Variants in BRPF3 observed in about 807,000 individuals in gnomAD.
The protein encoded by BRPF3 is bromodomain and PHD finger-containing protein 3.
A neutral mutation model predicts 102.0 loss-of-function variants in BRPF3; 18 were observed. That is an observed-to-expected ratio of 0.18 (90% CI 0.12 to 0.26). BRPF3 has a LOEUF of 0.26. Ranked by LOEUF, BRPF3 falls within the 10% of genes least tolerant of loss-of-function variation. The pLI, the probability that BRPF3 is intolerant of heterozygous loss-of-function variation, is 1.00. For missense variants in BRPF3, 1,147 were observed against 1,567.8 expected, an observed-to-expected ratio of 0.73 and a Z score of 4.53; for synonymous variants, 570 against 614.2, an observed-to-expected ratio of 0.93 and a Z score of 1.06.
At chr6:36,222,395 TG>T (rs1159343723) in intron 10 of BRPF3, 130 bp downstream of exon 10, 11 of 746,094 alleles carry the variant, frequency 1.5e-5, no homozygotes, top group Non-Finnish European at 2.4e-5. Context: ...CTTGGGCCCT[TG>T]GGCAGGGAGA....
chr6:36,199,010 C>G (rs960848480), intron 1 of BRPF3, among the ~76,000 whole-genome samples: 1 of 152,196 alleles, frequency 6.6e-6, no homozygotes, highest in Non-Finnish European at 1.5e-5. Flanking sequence ...AGACAGGCCA[C>G]TATAACTTCA....
At chr6:36,215,401 C>T (rs569943902) in intron 8 of BRPF3, among the ~76,000 whole-genome samples, 16 of 152,180 alleles carry the variant, frequency 1.1e-4, no homozygotes, top group African/African-American at 1.9e-4. Flanking sequence ...TGAGCCACCG[C>T]GCCCCACCTA....
Position 36,203,270 on chromosome 6 carries a change from C to G in BRPF3, c.1449-1388C>G, listed in dbSNP as rs1767783157. Among the ~76,000 whole-genome samples, 6 of 152,184 alleles carry G rather than the reference C, an allele frequency of 3.9e-5. No individual in the cohort carries two copies. The South Asian group carries it at 1.0e-3, about 26-fold the overall frequency. On this transcript the variant is annotated intron_variant, in intron 2 of 12. Coordinates refer to ENST00000357641, the MANE Select transcript of BRPF3 (RefSeq NM_015695.3). ...GGCAAGTTGCTTAGCTGCTCTAAGCCTTAGTTTATTTGTAAATGAACCCAC... is the reference window on the plus strand; with the variant it reads ...GGCAAGTTGCTTAGCTGCTCTAAGCGTTAGTTTATTTGTAAATGAACCCAC...
chr6:36,225,276 T>C lies in BRPF3; in HGVS notation c.3191T>C (p.Leu1064Pro). The C allele has an allele frequency of 6.2e-7, 1 of 1,607,866 alleles. No homozygotes were observed. The highest frequency in any genetic ancestry group is 8.5e-7 in the Non-Finnish European group (1 of 1,179,736). The change falls in exon 11 of 13, where the codon CTC becomes CCC. Residue 1064 changes from leucine (L) to proline (P), a missense_variant. By Grantham distance (98) the Leu-to-Pro change is moderately conservative. Transcript: ENST00000357641. ...CCTCCCCCACCCCCAGGCAGAAGCC[T>C]CCTGCTGCCCTTTGAAGACCGCGGA... ...DSDYNGSGRS[L>P]LLPFEDRGDL... is the part of the protein sequence containing the mutation.
chr6:36,230,292 A>C lies in BRPF3; in HGVS notation c.3435-134A>C. The C allele has an allele frequency of 1.4e-6, 1 of 738,660 alleles. No individual in the cohort carries two copies. The highest frequency in any genetic ancestry group is 1.8e-5 in the South Asian group (1 of 54,452). The allele number at this position is 738,660 out of a possible 1,614,324, so 45.8% of individuals were successfully genotyped here. A position where few individuals can be genotyped will look rare whatever the true frequency, so the allele number is the denominator to read the frequency against. Reference sequence around the variant, plus strand: ...AGGTTCTTGGTGGCCTCCTGCATGGAGTCCCCCAATTTGCTTCCCTCTGCC... The same window carrying C: ...AGGTTCTTGGTGGCCTCCTGCATGGCGTCCCCCAATTTGCTTCCCTCTGCC... On this transcript the variant is annotated intron_variant, in intron 12 of 12. Transcript: ENST00000357641. This position sits in a 1 kb window ranked among gnomAD's most constrained non-coding sequence, Gnocchi z 5.4.
intron 2 of BRPF3, among the ~76,000 whole-genome samples, chr6:36,203,222 G>A (rs1400766665): frequency 6.6e-6 from 1 of 152,182 alleles, no homozygotes; most frequent in Non-Finnish European, 1.5e-5. Flanking sequence ...CCAATTCTGT[G>A]ACTTAGTACC....
rs1768975731 is a variant in BRPF3 at position 36,232,775 on chromosome 6, G to A, written c.*2166G>A. ...CTTATTTTCTCTCTGAGAAATAAAT[G>A]TTCTAATGGGCAGTAGTTGCTGTGT... On this transcript the variant is annotated 3_prime_UTR_variant, in exon 13 of 13. Transcript: ENST00000357641. 1 of 152,246 alleles carries A rather than the reference G, an allele frequency of 6.6e-6. No homozygotes were observed. Among genetic ancestry groups the A allele is most frequent in the East Asian group, 1.9e-4 (1 of 5,198 alleles). 9.4% of individuals were successfully genotyped at this position (152,246 alleles called of 1,614,324 possible). A position where few individuals can be genotyped will look rare whatever the true frequency, so the allele number is the denominator to read the frequency against.
intron 11 of BRPF3, among the ~76,000 whole-genome samples, chr6:36,225,653 A>G (rs943510000): frequency 6.6e-6 from 1 of 152,246 alleles, no homozygotes; most frequent in African/African-American, 2.4e-5. Context: ...GAATCTTTAA[A>G]GCTACTGATA....
chr6:36,218,483 C>T (rs1473002966), intron 9 of BRPF3, among the ~76,000 whole-genome samples: 5 of 135,738 alleles, frequency 3.7e-5, no homozygotes, highest in Middle Eastern at 4.6e-3. Flanking sequence ...TTTTTTGAGA[C>T]GGAGTCTTGC....
At chr6:36,218,163 T>A (rs370455941) in intron 9 of BRPF3, among the ~76,000 whole-genome samples, 153 bp downstream of exon 9, 5 of 151,706 alleles carry the variant, frequency 3.3e-5, no homozygotes, top group African/African-American at 1.2e-4. Context: ...ACTCTGGGAG[T>A]TCCTAGGAAA....
Position 36,201,316 on chromosome 6 carries a change from G to A in BRPF3, c.994G>A (p.Gly332Arg). 3 of 1,614,180 alleles carry A rather than the reference G, an allele frequency of 1.9e-6. No individual in the cohort carries two copies. Among genetic ancestry groups the A allele is most frequent in the Non-Finnish European group, 2.5e-6 (3 of 1,180,026 alleles). The change falls in exon 2 of 13, where the codon GGG (glycine) becomes AGG (arginine). Residue 332 changes from glycine (G) to arginine (R), a missense_variant. By Grantham distance (125) the Gly-to-Arg change is moderately radical (BLOSUM62 -2). This residue lies in a region of BRPF3 where 44 missense variants were observed against 101.4 expected (regional missense o/e 0.43). Coordinates refer to ENST00000357641, the MANE Select transcript of BRPF3 (RefSeq NM_015695.3). The surrounding 1 kb of genome is among the most constrained non-coding windows in gnomAD (Gnocchi z 5.1). ...AACCTGCTATATCTGCAAGCAGAAA[G>A]GGCTAGGTGCAGCCATCCAGTGCCA... ...KLTCYICKQK[G>R]LGAAIQCHKV...
At chr6:36,217,836 C>G in intron 8 of BRPF3, 81 bp from the exon 9 acceptor site, 1 of 1,223,892 alleles carries the variant, frequency 8.2e-7, no homozygotes, top group Non-Finnish European at 1.2e-6. Flanking sequence ...CTGAGCCCTC[C>G]TGAGGTGGCT....
rs1169340946 is a variant in BRPF3 at position 36,214,264 on chromosome 6, T to C, written c.2867T>C (p.Val956Ala). 9.9e-6 allele frequency: 16 copies of C among 1,613,668 alleles called. No individual in the cohort carries two copies. The highest frequency in any genetic ancestry group is 1.4e-5 in the Non-Finnish European group (16 of 1,180,000). Residue 956 changes from valine to alanine, a missense_variant, in exon 8 of 13, where the codon GTG becomes GCG. Around this residue, in one of 11 missense-constraint regions of BRPF3, gnomAD observed 379 missense variants for 426.3 expected, o/e 0.89. Coordinates refer to ENST00000357641, the MANE Select transcript of BRPF3 (RefSeq NM_015695.3). ...CTGGAGAATGGCGAGGACCATGGTG[T>C]GGCAGGCTCTCCTGCCTCTCCAGCC... is the stretch of plus-strand genomic sequence containing the variant. ...RVLENGEDHG[V>A]AGSPASPASI...
intron 1 of BRPF3, among the ~76,000 whole-genome samples, chr6:36,199,152 A>G (rs1044088986): frequency 2.0e-5 from 3 of 152,218 alleles, no homozygotes; most frequent in African/African-American, 7.2e-5. Flanking sequence ...ACCAGGCCAT[A>G]CAGCAAGAGG....
chr6:36,218,719 A>G (rs376487095), intron 9 of BRPF3, among the ~76,000 whole-genome samples: 4 of 152,166 alleles, frequency 2.6e-5, no homozygotes, highest in East Asian at 3.9e-4. Context: ...GCAGCATCCC[A>G]AAGTGCTGGA....
chr6:36,209,933 T>A lies in BRPF3; in HGVS notation c.1866+18T>A. ...TGAGTGAGGCAAGTTCCCCCTACTT[T>A]CCAAGTAGTAAATTCTTCTTGAACT... is the stretch of plus-strand genomic sequence containing the variant. On this transcript the variant is annotated intron_variant, in intron 5 of 12. Coordinates refer to ENST00000357641, the MANE Select transcript of BRPF3 (RefSeq NM_015695.3). 6.2e-7 allele frequency: 1 copy of A among 1,613,336 alleles called. No individual in the cohort carries two copies. The highest frequency in any genetic ancestry group is 1.1e-5 in the South Asian group (1 of 90,978).
Position 36,213,956 on chromosome 6 carries a change from C to A in BRPF3, c.2559C>A (p.Pro853=), listed in dbSNP as rs757377344. ...PAPSLSEQES[P]PEPPTLKPIN... ...CTTCCTTGTCTGAGCAAGAATCCCC[C>A]CCGGAGCCCCCTACTCTGAAACCCA... is the stretch of plus-strand genomic sequence containing the variant. The change falls in exon 8 of 13, where the codon CCC becomes CCA. Residue 853 remains proline, a synonymous_variant. Transcript: ENST00000357641. The A allele has an allele frequency of 1.9e-6, 3 of 1,614,084 alleles. No homozygotes were observed. Among genetic ancestry groups the A allele is most frequent in the South Asian group, 1.1e-5 (1 of 91,076 alleles).
chr6:36,201,905 C>T lies in BRPF3; in HGVS notation c.1448+135C>T. On this transcript the variant is annotated intron_variant, in intron 2 of 12. Coordinates refer to ENST00000357641, the MANE Select transcript of BRPF3 (RefSeq NM_015695.3). This position sits in a 1 kb window ranked among gnomAD's most constrained non-coding sequence, Gnocchi z 5.1. ...CGAATTTAAACTCTTCCTTTTGACC[C>T]CAGGCTCACCTGGCCTGGTTTGTGG... 1 of 1,315,876 alleles carries T rather than the reference C, an allele frequency of 7.6e-7. No homozygotes were observed. Among genetic ancestry groups the T allele is most frequent in the Non-Finnish European group, 1.0e-6 (1 of 977,818 alleles). 81.5% of individuals were successfully genotyped at this position (1,315,876 alleles called of 1,614,324 possible). A position where few individuals can be genotyped will look rare whatever the true frequency, so the allele number is the denominator to read the frequency against.
chr6:36,213,931 C>T lies in BRPF3; in HGVS notation c.2534C>T (p.Pro845Leu), dbSNP rs1355865790. Residue 845 changes from proline (P) to leucine (L), a missense_variant, in exon 8 of 13, where the codon CCT becomes CTT. Pro to Leu is a moderately conservative substitution (Grantham distance 98, BLOSUM62 -3). Transcript: ENST00000357641. ...PPTLEPTGPAPSLSEQESPPE... is the reference protein window; with the variant it reads ...PPTLEPTGPALSLSEQESPPE... ...ACCCTGGAGCCCACTGGGCCTGCACCTTCCTTGTCTGAGCAAGAATCCCCC... is the reference window on the plus strand; with the variant it reads ...ACCCTGGAGCCCACTGGGCCTGCACTTTCCTTGTCTGAGCAAGAATCCCCC... The T allele has an allele frequency of 6.2e-7, 1 of 1,613,928 alleles. No homozygotes were observed. The highest frequency in any genetic ancestry group is 1.7e-5 in the Admixed American group (1 of 59,988).
Sources: gnomAD v4.1 joint callset for allele counts (sites outside exome capture counted in the v4.1 genomes callset) on GRCh38, gnomAD v4.1.1 for gene constraint, gnomAD v4.1.1 regional missense constraint, Gnocchi (gnomAD v3.1) non-coding constraint, MANE v1.5 for transcripts, NCBI Gene and HGNC (gene_info 2026-07-23, HGNC 2026-07-21) for gene names.